KIAA1210: variants seen among roughly 807,000 people sequenced by gnomAD.
The protein encoded by KIAA1210 is KIAA1210, also known as acrosomal protein KIAA1210.
In KIAA1210, 48 loss-of-function variants were observed where a neutral mutation model predicts 78.9. The observed-to-expected ratio is 0.61, with a 90% confidence interval of 0.48 to 0.77. The LOEUF (loss-of-function observed/expected upper bound fraction) is 0.77. Ranked by LOEUF, KIAA1210 falls within the 30% of genes least tolerant of loss-of-function variation. The pLI, the probability that KIAA1210 is intolerant of heterozygous loss-of-function variation, is 0.00. For synonymous variants in KIAA1210, 406 were observed against 404.5 expected (o/e 1.00, Z -0.04); for missense variants, 1,108 against 1,100.0 (o/e 1.01, Z -0.10).
intron 1 of KIAA1210, 135 bp from the exon 2 acceptor site, chrX:119,123,787 G>A (rs982262841): frequency 2.3e-6 from 1 of 440,172 alleles, no homozygotes; most frequent in South Asian, 4.1e-5. Flanking sequence ...AAATGGAATT[G>A]CCATTACAGA....
In KIAA1210 at chrX:119,109,186, C is replaced by A. The variant is rs760064454; in HGVS notation, c.247G>T (p.Gly83Trp). Residue 83 changes from glycine (G) to tryptophan (W), a missense_variant, in exon 4 of 12, where the codon GGG (glycine) becomes TGG (tryptophan). Physicochemically the swap from Gly to Trp is radical, Grantham distance 184. Around this residue, in one of 5 missense-constraint regions of KIAA1210, gnomAD observed 672 missense variants for 607.1 expected, o/e 1.11. Transcript: ENST00000691062. ...PTKARAKSSMGSKALSHDSIF... is the reference protein window; with the variant it reads ...PTKARAKSSMWSKALSHDSIF... The stretch of plus-strand genomic sequence containing the variant: ...CTATCATGGGATAGGGCTTTGCTCC[C>A]CATGCTGCTCTTGGCCCTGGACAGA... The A allele has an allele frequency of 2.5e-6, 3 of 1,202,691 alleles. No homozygotes were observed. The highest frequency in any genetic ancestry group is 3.6e-5 in the South Asian group (2 of 55,293).
chrX:119,134,448 C>A (rs1466020616), intron 2 of KIAA1210, among the ~76,000 whole-genome samples: 1 of 112,367 alleles, frequency 8.9e-6, no homozygotes, highest in African/African-American at 3.2e-5. Context: ...ACATCTTCAG[C>A]AAATTCGGCA....
chrX:119,109,744 T>TA (rs746090327), intron 3 of KIAA1210, among the ~76,000 whole-genome samples: 7 of 111,372 alleles, frequency 6.3e-5, no homozygotes, highest in Admixed American at 4.8e-4. Context: ...TGTTTTGATT[T>TA]AAAAAAAATC....
chrX:119,140,531 TA>T (rs5903548), intron 2 of KIAA1210, among the ~76,000 whole-genome samples: 31,828 of 62,216 alleles, frequency 0.51, 7,004 homozygotes, highest in Non-Finnish European at 0.56. Context: ...GACTCTTTCT[TA>T]AAAAAAAAAA....
rs754878890 is a variant in KIAA1210 at position 119,095,610 on chromosome X, A to T, written c.846+884T>A. 1.5e-4 allele frequency among the ~76,000 whole-genome samples: 17 copies of T among 110,793 alleles called. No homozygotes were observed. In the South Asian group the frequency reaches 3.8e-3, roughly 25 times the overall value. On this transcript the variant is annotated intron_variant, in intron 7 of 11. Coordinates refer to ENST00000691062, the MANE Select transcript of KIAA1210 (RefSeq NM_001394962.1). ...TGCATGTTGGTCAGGCTGGTCTCAC[A>T]CTCCTGACCTCAGGTGATCCGCCCG...
chrX:119,097,968 C>G (rs1316949305), intron 6 of KIAA1210, among the ~76,000 whole-genome samples: 1 of 112,041 alleles, frequency 8.9e-6, no homozygotes, highest in Admixed American at 9.4e-5. Flanking sequence ...ATGTTATCTA[C>G]TGGAAATATA....
Position 119,088,848 on chromosome X carries a change from T to A in KIAA1210, c.1854A>T (p.Glu618Asp). The A allele has an allele frequency of 8.3e-7, 1 of 1,211,455 alleles. No individual in the cohort carries two copies. The part of the protein sequence containing the change: ...ENIPEEGDGS[E>D]ELAHGHSSQS... Reference sequence around the variant, plus strand: ...GGGAAGAGTGACCATGAGCCAGTTCTTCAGAACCATCCCCCTCCTCAGGAA... The same window carrying A: ...GGGAAGAGTGACCATGAGCCAGTTCATCAGAACCATCCCCCTCCTCAGGAA... The change falls in exon 9 of 12, where the codon GAA becomes GAT. Residue 618 changes from glutamate to aspartate, a missense_variant. Glu to Asp is a conservative substitution (Grantham distance 45, BLOSUM62 2). Around this residue, in one of 5 missense-constraint regions of KIAA1210, gnomAD observed 672 missense variants for 607.1 expected, o/e 1.11. Coordinates refer to ENST00000691062, the MANE Select transcript of KIAA1210 (RefSeq NM_001394962.1).
At chrX:119,140,852 A>T (rs188768662) in intron 2 of KIAA1210, among the ~76,000 whole-genome samples, 1 of 112,429 alleles carries the variant, frequency 8.9e-6, no homozygotes, top group East Asian at 2.8e-4. Context: ...AGGCAAGAGG[A>T]TCACCTGAGC....
At chrX:119,136,033 C>A (rs34128416) in intron 2 of KIAA1210, among the ~76,000 whole-genome samples, 4,939 of 103,328 alleles carry the variant, frequency 0.048, 278 homozygotes, top group African/African-American at 0.17. Flanking sequence ...AACCTGGTGA[C>A]AGAGCAAGAT....
At chrX:119,131,091 C>T (rs1323680542), upstream of KIAA1210, among the ~76,000 whole-genome samples, 3 of 111,949 alleles carry the variant, frequency 2.7e-5, no homozygotes, top group Admixed American at 2.8e-4. Context: ...GTTGCCCTCC[C>T]GGAATGGAGA....
intron 4 of KIAA1210, among the ~76,000 whole-genome samples, 161 bp from the exon 5 acceptor site, chrX:119,108,632 A>G (rs1901319754): frequency 9.0e-6 from 1 of 110,834 alleles, no homozygotes; most frequent in African/African-American, 3.3e-5. Flanking sequence ...TGAGAGGCCA[A>G]GGCGGGAGGG....
Position 119,096,589 on chromosome X carries a change from T to C in KIAA1210, c.751A>G (p.Thr251Ala). 8.3e-7 allele frequency: 1 copy of C among 1,211,090 alleles called. No individual in the cohort carries two copies. Among genetic ancestry groups the C allele is most frequent in the Non-Finnish European group, 1.1e-6 (1 of 895,011 alleles). The part of the protein sequence containing the change: ...SSTQLPIGFS[T>A]PATTQGCLDS... ...AAACAGCCCTGGGTGGTGGCTGGGG[T>C]GCTGAAACCAATGGGCAGCTGGGTG... The change falls in exon 7 of 12, where the codon ACC (threonine) becomes GCC (alanine). Residue 251 changes from threonine (T) to alanine (A), a missense_variant. Transcript: ENST00000691062.
At chrX:119,135,141 C>T (rs997577083) in intron 2 of KIAA1210, among the ~76,000 whole-genome samples, 1 of 111,759 alleles carries the variant, frequency 8.9e-6, no homozygotes, top group African/African-American at 3.3e-5. Context: ...AGAGTTAGGA[C>T]TCAAACCCAG....
Position 119,088,742 on chromosome X carries a change from C to G in KIAA1210, c.1960G>C (p.Glu654Gln), listed in dbSNP as rs759449069. 2 of 1,209,191 alleles carry G rather than the reference C, an allele frequency of 1.7e-6. No homozygotes were observed. The highest frequency in any genetic ancestry group is 3.5e-5 in the African/African-American group (2 of 57,246). ...GAGAGGCATCTGAGGTCCAGCTCCTCCTCAGAGCTGCTCAAGTCCTCAACA... is the reference window on the plus strand; with the variant it reads ...GAGAGGCATCTGAGGTCCAGCTCCTGCTCAGAGCTGCTCAAGTCCTCAACA... Reference protein sequence around the residue: ...SFVEDLSSSEEELDLRCLSQA... With the variant: ...SFVEDLSSSEQELDLRCLSQA... Residue 654 changes from glutamate (E) to glutamine (Q), a missense_variant, in exon 9 of 12, where the codon GAG becomes CAG. Physicochemically the swap from Glu to Gln is conservative, Grantham distance 29 (BLOSUM62 2). This residue lies in a region of KIAA1210 where 672 missense variants were observed against 607.1 expected (regional missense o/e 1.11). Transcript: ENST00000691062.
At chrX:119,137,238 A>G (rs1038225448) in intron 2 of KIAA1210, among the ~76,000 whole-genome samples, 2 of 112,519 alleles carry the variant, frequency 1.8e-5, no homozygotes, top group Admixed American at 1.9e-4. Context: ...GTAGATGAGG[A>G]AACAGAAAGG....
At chrX:119,098,884 G>A (rs1418769052) in intron 6 of KIAA1210, among the ~76,000 whole-genome samples, 1 of 112,100 alleles carries the variant, frequency 8.9e-6, no homozygotes, top group African/African-American at 3.2e-5. Context: ...AGTTGCACAA[G>A]CACTACATGG....
chrX:119,130,772 C>T (rs1217365658), upstream of KIAA1210, among the ~76,000 whole-genome samples: 1 of 112,193 alleles, frequency 8.9e-6, no homozygotes, highest in East Asian at 2.8e-4. Flanking sequence ...GCTTTCGGAA[C>T]CACTTCCAAG....
intron 1 of KIAA1210, among the ~76,000 whole-genome samples, chrX:119,148,485 CCTT>C (rs1272355448): frequency 8.9e-6 from 1 of 112,031 alleles, no homozygotes; most frequent in Non-Finnish European, 1.9e-5. Flanking sequence ...GCCTTCATCT[CCTT>C]CTATACTTGT....
chrX:119,113,786 GAAGAA>G (rs1460018466), intron 3 of KIAA1210, among the ~76,000 whole-genome samples: 1 of 111,419 alleles, frequency 9.0e-6, no homozygotes, highest in African/African-American at 3.3e-5. Context: ...AAAAATAAAG[GAAGAA>G]AAGAAGAAAA....
Sources: gnomAD v4.1 joint callset for allele counts (sites outside exome capture counted in the v4.1 genomes callset) on GRCh38, gnomAD v4.1.1 for gene constraint, gnomAD v4.1.1 regional missense constraint, MANE v1.5 for transcripts, NCBI Gene and HGNC (gene_info 2026-07-23, HGNC 2026-07-21) for gene names.